Variants in LRRC1 observed in about 807,000 individuals in gnomAD.
LRRC1 encodes leucine-rich repeat-containing protein 1.
LRRC1 carries 28 observed loss-of-function variants against 69.9 expected under a neutral mutation model. That is an observed-to-expected ratio of 0.40 (90% CI 0.30 to 0.55). The LOEUF (loss-of-function observed/expected upper bound fraction) is 0.55. Ranked by LOEUF, LRRC1 falls within the 20% of genes least tolerant of loss-of-function variation. LRRC1 has a pLI of 0.47. For missense variants in LRRC1, 498 were observed against 609.0 expected (o/e 0.82, Z 1.92); for synonymous variants, 236 against 240.2 (o/e 0.98, Z 0.16).
At chr6:53,811,273 CTG>C (rs750763640) in intron 1 of LRRC1, among the ~76,000 whole-genome samples, 1 of 152,284 alleles carries the variant, frequency 6.6e-6, no homozygotes, top group East Asian at 1.9e-4. Flanking sequence ...AGGAGGAACT[CTG>C]TAGGCTACAG....
chr6:53,805,671 ACATGTGTTACT>A (rs1457015831), intron 1 of LRRC1, among the ~76,000 whole-genome samples: 2 of 152,206 alleles, frequency 1.3e-5, no homozygotes, highest in Non-Finnish European at 2.9e-5. Context: ...TATGAAAGTT[ACATGTGTTACT>A]CTGTAGACAG....
intron 8 of LRRC1, among the ~76,000 whole-genome samples, chr6:53,900,670 G>T (rs539520318): frequency 1.3e-5 from 2 of 152,014 alleles, no homozygotes; most frequent in Non-Finnish European, 2.9e-5. Flanking sequence ...TTAGTACATC[G>T]ATCATCCTTT....
intron 1 of LRRC1, among the ~76,000 whole-genome samples, chr6:53,829,268 A>G (rs1386730316): frequency 5.9e-5 from 9 of 152,206 alleles, no homozygotes; most frequent in African/African-American, 2.2e-4. Context: ...TGTGAAATCA[A>G]AGTAACTGCC....
At chr6:53,908,775 A>G (rs1182111902) in intron 10 of LRRC1, among the ~76,000 whole-genome samples, 1 of 152,166 alleles carries the variant, frequency 6.6e-6, no homozygotes, top group African/African-American at 2.4e-5. Context: ...TTCTACACCA[A>G]TAAGGAAAAG....
chr6:53,803,382 GATTCAGGGC>G (rs1429293803), intron 1 of LRRC1, among the ~76,000 whole-genome samples: 1 of 152,130 alleles, frequency 6.6e-6, no homozygotes, highest in Admixed American at 6.5e-5. Flanking sequence ...CTCTACCCAG[GATTCAGGGC>G]TAGAAATGTT....
intron 2 of LRRC1, among the ~76,000 whole-genome samples, chr6:53,861,080 A>G (rs1766496423): frequency 6.6e-6 from 1 of 152,126 alleles, no homozygotes; most frequent in South Asian, 2.1e-4. Flanking sequence ...CCTATTGGGT[A>G]TTATTATGCT....
At chr6:53,826,513 C>G (rs1765262187) in intron 1 of LRRC1, among the ~76,000 whole-genome samples, 2 of 152,172 alleles carry the variant, frequency 1.3e-5, no homozygotes, top group African/African-American at 4.8e-5. Context: ...CAGTTAGCCT[C>G]TAGCATTCAT....
chr6:53,815,668 G>T (rs1288173130), intron 1 of LRRC1, among the ~76,000 whole-genome samples: 1 of 152,198 alleles, frequency 6.6e-6, no homozygotes, highest in Admixed American at 6.5e-5. Flanking sequence ...TGTTGAGTCT[G>T]TAGGGAATTT....
intron 2 of LRRC1, among the ~76,000 whole-genome samples, chr6:53,867,048 G>A (rs1257709738): frequency 1.3e-5 from 2 of 151,924 alleles, no homozygotes; most frequent in South Asian, 2.1e-4. Context: ...GGTCAAGATC[G>A]TGGGTCAGGA....
chr6:53,842,144 G>T lies in LRRC1; in HGVS notation c.194G>T (p.Gly65Val). ...FFQLVKLRKL[G>V]LSDNEIQRLP... ...CAGCTAGTCAAATTACGAAAGCTTG[G>T]ACTTAGTGATAATGAAATTCAGCGG... The change falls in exon 2 of 14, where the codon GGA becomes GTA. Residue 65 changes from glycine (G) to valine (V), a missense_variant. By Grantham distance (109) the Gly-to-Val change is moderately radical. Transcript: ENST00000370888. The T allele has an allele frequency of 1.9e-6, 3 of 1,613,812 alleles. No homozygotes were observed. Among genetic ancestry groups the T allele is most frequent in the Non-Finnish European group, 2.5e-6 (3 of 1,179,846 alleles).
chr6:53,903,797 A>C (rs1256565962), intron 9 of LRRC1, among the ~76,000 whole-genome samples: 1 of 152,200 alleles, frequency 6.6e-6, no homozygotes, highest in African/African-American at 2.4e-5. Flanking sequence ...GCTTACAAAT[A>C]GTAATCATAA....
intron 11 of LRRC1, among the ~76,000 whole-genome samples, chr6:53,917,274 T>A (rs984952833): frequency 2.0e-5 from 3 of 152,096 alleles, no homozygotes; most frequent in Admixed American, 1.3e-4. Flanking sequence ...TGCCTTTTTT[T>A]CTCTTGGACA....
intron 2 of LRRC1, among the ~76,000 whole-genome samples, chr6:53,871,143 G>A (rs1008247747): frequency 6.6e-6 from 1 of 152,124 alleles, no homozygotes; most frequent in African/African-American, 2.4e-5. Flanking sequence ...ATATCCTTTA[G>A]ATATGTATCT....
chr6:53,897,270 T>G lies in LRRC1; in HGVS notation c.568-15T>G, dbSNP rs1361089547. 3.2e-6 allele frequency: 5 copies of G among 1,578,798 alleles called. No individual in the cohort carries two copies. The highest frequency in any genetic ancestry group is 4.3e-6 in the Non-Finnish European group (5 of 1,154,702). ...TGAATCTTTGTTACCGTAACTTTTT[T>G]TTCTTTTGTTTTAGCCAGAATCAAT... On this transcript the variant is annotated splice_polypyrimidine_tract_variant and intron_variant, in intron 6 of 13. Coordinates refer to ENST00000370888, the MANE Select transcript of LRRC1 (RefSeq NM_018214.5).
At chr6:53,857,153 G>C (rs75322588) in intron 2 of LRRC1, among the ~76,000 whole-genome samples, 3,401 of 152,298 alleles carry the variant, frequency 0.022, 59 homozygotes, top group Non-Finnish European at 0.036. Context: ...ATACAGGTTT[G>C]AGAGTCATCC....
intron 4 of LRRC1, among the ~76,000 whole-genome samples, chr6:53,892,552 T>C (rs934043198): frequency 3.9e-4 from 59 of 152,298 alleles, no homozygotes; most frequent in African/African-American, 1.4e-3. Context: ...ATGTTCCTTA[T>C]GGGGTGCTGT....
At chr6:53,828,593 G>A (rs1318920302) in intron 1 of LRRC1, among the ~76,000 whole-genome samples, 2 of 152,210 alleles carry the variant, frequency 1.3e-5, no homozygotes, top group Admixed American at 1.3e-4. Flanking sequence ...TTTCATGTAT[G>A]TTTTAGCTCA....
intron 1 of LRRC1, among the ~76,000 whole-genome samples, chr6:53,834,472 T>C (rs1397341262): frequency 1.3e-5 from 2 of 152,192 alleles, no homozygotes; most frequent in Non-Finnish European, 2.9e-5. Flanking sequence ...GTTAGCTGAT[T>C]AGAATGTAGT....
At chr6:53,851,721 G>A (rs899074984) in intron 2 of LRRC1, among the ~76,000 whole-genome samples, 6 of 151,366 alleles carry the variant, frequency 4.0e-5, no homozygotes, top group Non-Finnish European at 7.4e-5. Context: ...ACACACATGC[G>A]CACACACACA....
Sources: allele counts gnomAD v4.1 joint callset (sites outside exome capture counted in the v4.1 genomes callset), GRCh38; gene constraint gnomAD v4.1.1; transcripts MANE v1.5; gene names NCBI Gene and HGNC (gene_info 2026-07-23, HGNC 2026-07-21).